CEP128: variants seen among roughly 807,000 people sequenced by gnomAD.
CEP128 encodes the protein centrosomal protein 128.
In CEP128, 132 loss-of-function variants were observed where a neutral mutation model predicts 156.7. The observed-to-expected ratio is 0.84, with a 90% CI of 0.73 to 0.97. CEP128 has a LOEUF of 0.97. CEP128 is among the 50% of genes least tolerant of loss of function. The probability of loss-of-function intolerance (pLI) is 0.00; values close to 1 mark genes in which losing one functional copy is unlikely to be tolerated. For synonymous variants in CEP128, 469 were observed against 448.9 expected, an observed-to-expected ratio of 1.04 and a Z score of -0.57; for missense variants, 1,252 against 1,281.9, an observed-to-expected ratio of 0.98 and a Z score of 0.36.
chr14:80,718,647 T>G (rs1897699126), intron 19 of CEP128, among the ~76,000 whole-genome samples: 1 of 152,218 alleles, frequency 6.6e-6, no homozygotes, highest in African/African-American at 2.4e-5. Context: ...TACTGAGTAT[T>G]TTTTAATTTA....
At chr14:80,796,712 G>A (rs1434761149) in intron 13 of CEP128, among the ~76,000 whole-genome samples, 1 of 152,132 alleles carries the variant, frequency 6.6e-6, no homozygotes. Context: ...CTCGGTAGAT[G>A]AGTATTTAGG....
At chr14:80,629,644 A>C (rs2167148) in intron 19 of CEP128, among the ~76,000 whole-genome samples, 9 of 151,928 alleles carry the variant, frequency 5.9e-5, no homozygotes, top group African/African-American at 2.2e-4. Context: ...TACATTAATA[A>C]AAGGTGTAGT....
intron 2 of CEP128, among the ~76,000 whole-genome samples, chr14:80,930,773 G>A (rs1224477243): frequency 6.6e-6 from 1 of 152,162 alleles, no homozygotes. Context: ...ATTATTGAAG[G>A]CCACCACTTC....
At chr14:80,703,167 T>G (rs1832220897) in intron 19 of CEP128, among the ~76,000 whole-genome samples, 1 of 152,086 alleles carries the variant, frequency 6.6e-6, no homozygotes, top group Admixed American at 6.6e-5. Context: ...ACAGTAGAAC[T>G]TGGAAAAATC....
At chr14:80,828,933 A>C (rs958626628) in intron 13 of CEP128, among the ~76,000 whole-genome samples, 2 of 152,226 alleles carry the variant, frequency 1.3e-5, no homozygotes, top group African/African-American at 4.8e-5. Flanking sequence ...CAACAGCTCC[A>C]TACTACCCAA....
chr14:80,846,191 T>C (rs1886592768), intron 9 of CEP128, among the ~76,000 whole-genome samples: 1 of 152,172 alleles, frequency 6.6e-6, no homozygotes, highest in Non-Finnish European at 1.5e-5. Context: ...TGAGATCTAG[T>C]AATATTTGGC....
chr14:80,760,494 T>C (rs751258687), intron 17 of CEP128, among the ~76,000 whole-genome samples: 12 of 152,070 alleles, frequency 7.9e-5, no homozygotes, highest in Non-Finnish European at 1.6e-4. Flanking sequence ...AAGGTCATTC[T>C]AGAAGAGGAA....
At chr14:80,945,393 A>G (rs1246298266), upstream of CEP128, among the ~76,000 whole-genome samples, 1 of 152,214 alleles carries the variant, frequency 6.6e-6, no homozygotes, top group Non-Finnish European at 1.5e-5. Context: ...AATTGTACCT[A>G]TTCAGGATTA....
intron 17 of CEP128, among the ~76,000 whole-genome samples, chr14:80,760,627 G>A (rs1899913518): frequency 6.6e-6 from 1 of 152,054 alleles, no homozygotes; most frequent in Non-Finnish European, 1.5e-5. Flanking sequence ...GGTAAATGAT[G>A]CTAAACTGTA....
intron 19 of CEP128, among the ~76,000 whole-genome samples, chr14:80,637,925 C>T (rs982257901): frequency 2.0e-5 from 3 of 152,140 alleles, no homozygotes; most frequent in Non-Finnish European, 2.9e-5. Context: ...CTGGAAGAGG[C>T]AAGAAAAGGG....
intron 19 of CEP128, among the ~76,000 whole-genome samples, chr14:80,624,119 A>G (rs1178168016): frequency 1.3e-5 from 2 of 151,388 alleles, no homozygotes; most frequent in African/African-American, 4.9e-5. Flanking sequence ...ACTATTCTAC[A>G]CTCCTACAAA....
chr14:80,949,158 G>C (rs1456569280), intron 2 of CEP128, among the ~76,000 whole-genome samples: 2 of 152,142 alleles, frequency 1.3e-5, no homozygotes, highest in Non-Finnish European at 2.9e-5. Context: ...ATCATACCAA[G>C]AAAGACCATG....
intron 8 of CEP128, among the ~76,000 whole-genome samples, chr14:80,863,485 T>C (rs1359005244): frequency 6.6e-6 from 1 of 152,142 alleles, no homozygotes; most frequent in Non-Finnish European, 1.5e-5. Context: ...ACTGAAAATG[T>C]TTAATCAGGA....
Position 80,539,678 on chromosome 14 carries a change from T to C in CEP128, c.2881-8792A>G, listed in dbSNP as rs574526295. 9.2e-5 allele frequency among the ~76,000 whole-genome samples: 14 copies of C among 152,202 alleles called. No individual in the cohort carries two copies. In the South Asian group the frequency reaches 2.7e-3, roughly 29 times the overall value. On this transcript the variant is annotated intron_variant, in intron 21 of 24. Coordinates refer to ENST00000555265, the MANE Select transcript of CEP128 (RefSeq NM_152446.5). Reference sequence around the variant, plus strand: ...ATTTTTAGGGAACAAGGGAAGACAATCATAAGGTCTGACTGCCTGCGGGGT... The same window carrying C: ...ATTTTTAGGGAACAAGGGAAGACAACCATAAGGTCTGACTGCCTGCGGGGT...
intron 19 of CEP128, among the ~76,000 whole-genome samples, chr14:80,637,816 A>AAG (rs957959986): frequency 2.6e-5 from 4 of 152,154 alleles, no homozygotes; most frequent in Admixed American, 6.5e-5. Context: ...ATAAAAGAAA[A>AAG]AGAGAGAGAG....
At chr14:80,893,501 A>C (rs2139384314) in intron 8 of CEP128, among the ~76,000 whole-genome samples, 1 of 118,096 alleles carries the variant, frequency 8.5e-6, no homozygotes, top group Non-Finnish European at 1.8e-5. Flanking sequence ...CTTGCCACAA[A>C]CCAAAACAAA....
intron 23 of CEP128, among the ~76,000 whole-genome samples, chr14:80,507,553 G>A (rs1424450609): frequency 5.3e-5 from 8 of 152,178 alleles, no homozygotes; most frequent in Admixed American, 3.9e-4. Flanking sequence ...CTGAATCATG[G>A]TTTTGATATA....
At chr14:80,913,602 T>A (rs1884373948) in intron 4 of CEP128, among the ~76,000 whole-genome samples, 2 of 152,058 alleles carry the variant, frequency 1.3e-5, no homozygotes, top group Non-Finnish European at 2.9e-5. Context: ...TTCTCGCTTA[T>A]AAAGGAGAGC....
At chr14:80,789,316 T>C (rs1379137439) in intron 14 of CEP128, among the ~76,000 whole-genome samples, 1 of 151,952 alleles carries the variant, frequency 6.6e-6, no homozygotes, top group Non-Finnish European at 1.5e-5. Context: ...AATAGAAGAA[T>C]TATGAAAGAT....
Sources: gnomAD v4.1 joint callset for allele counts (sites outside exome capture counted in the v4.1 genomes callset) on GRCh38, gnomAD v4.1.1 for gene constraint, MANE v1.5 for transcripts, NCBI Gene and HGNC (gene_info 2026-07-23, HGNC 2026-07-21) for gene names.